Variants in CSMD3 observed in about 807,000 individuals in gnomAD.
The protein encoded by CSMD3 is CUB and sushi domain-containing protein 3.
Under a neutral mutation model 435.2 loss-of-function variants are expected in CSMD3, and 177 were observed. That is an observed-to-expected ratio of 0.41 (90% CI 0.36 to 0.46). The LOEUF (loss-of-function observed/expected upper bound fraction) is 0.46. Ranked by LOEUF, CSMD3 falls within the 20% of genes least tolerant of loss-of-function variation. The probability of loss-of-function intolerance (pLI) is 0.34; values close to 1 mark genes in which losing one functional copy is unlikely to be tolerated. For synonymous variants in CSMD3, 1,656 were observed against 1,520.5 expected (o/e 1.09, Z -2.07); for missense variants, 4,265 against 4,504.6 (o/e 0.95, Z 1.52).
chr8:112,661,786 G>A (rs2075386494), intron 17 of CSMD3, among the ~76,000 whole-genome samples: 2 of 151,996 alleles, frequency 1.3e-5, no homozygotes, highest in African/African-American at 4.8e-5. Context: ...GGGAAGGGGT[G>A]AGGTCTTCAT....
chr8:112,606,476 G>A (rs961679031), intron 22 of CSMD3, among the ~76,000 whole-genome samples: 1 of 152,154 alleles, frequency 6.6e-6, no homozygotes, highest in Non-Finnish European at 1.5e-5. Flanking sequence ...TTTGCCTCCA[G>A]AACCCCAGAT....
At chr8:112,258,135 A>G (rs535740728) in intron 61 of CSMD3, among the ~76,000 whole-genome samples, 5 of 152,326 alleles carry the variant, frequency 3.3e-5, no homozygotes, top group Non-Finnish European at 7.3e-5. Context: ...TTAACTTGAG[A>G]TACATTAAAG....
chr8:113,157,417 G>A (rs1007854364), intron 4 of CSMD3, among the ~76,000 whole-genome samples: 6 of 133,264 alleles, frequency 4.5e-5, no homozygotes, highest in Non-Finnish European at 1.1e-4. Context: ...GTCAAGTAGA[G>A]CAAAATCTCA....
intron 69 of CSMD3, among the ~76,000 whole-genome samples, chr8:112,230,967 C>T (rs1362530982): frequency 1.3e-5 from 2 of 152,130 alleles, no homozygotes; most frequent in Non-Finnish European, 2.9e-5. Context: ...TGTGTATAAA[C>T]ACATTCTTGC....
At chr8:112,476,444 G>A (rs1440731209) in intron 31 of CSMD3, among the ~76,000 whole-genome samples, 1 of 152,082 alleles carries the variant, frequency 6.6e-6, no homozygotes, top group Admixed American at 6.5e-5. Flanking sequence ...TGAAGGACTT[G>A]AGACTTTAGT....
intron 1 of CSMD3, among the ~76,000 whole-genome samples, chr8:113,370,609 T>C (rs1157789162): frequency 2.0e-5 from 3 of 151,988 alleles, no homozygotes; most frequent in African/African-American, 7.2e-5. Flanking sequence ...CTCTAGGTTA[T>C]TGGTTCATTA....
chr8:112,259,506 G>A (rs1816179144), intron 61 of CSMD3, among the ~76,000 whole-genome samples: 1 of 152,046 alleles, frequency 6.6e-6, no homozygotes. Flanking sequence ...AGGTTGATGA[G>A]TGCAGCAAAC....
intron 5 of CSMD3, among the ~76,000 whole-genome samples, chr8:113,078,105 A>T (rs2089419159): frequency 6.6e-6 from 1 of 152,182 alleles, no homozygotes; most frequent in South Asian, 2.1e-4. Flanking sequence ...ATTATATTCA[A>T]TGCTGGCATA....
chr8:112,737,683 G>C (rs1166120792), intron 13 of CSMD3, among the ~76,000 whole-genome samples: 1 of 151,772 alleles, frequency 6.6e-6, no homozygotes, highest in South Asian at 2.1e-4. Context: ...AAAGAACAGT[G>C]GTTGTGATGA....
At chr8:112,898,945 A>T (rs936444492) in intron 10 of CSMD3, among the ~76,000 whole-genome samples, 1 of 151,218 alleles carries the variant, frequency 6.6e-6, no homozygotes. Flanking sequence ...TAACCTGCAA[A>T]GTTTACATTA....
At chr8:113,051,773 C>T (rs1432168751) in intron 5 of CSMD3, among the ~76,000 whole-genome samples, 1 of 152,188 alleles carries the variant, frequency 6.6e-6, no homozygotes, top group Non-Finnish European at 1.5e-5. Flanking sequence ...GAGGACATAA[C>T]AGGCGCTCAG....
At chr8:112,740,320 TA>T (rs2077275915) in intron 13 of CSMD3, among the ~76,000 whole-genome samples, 1 of 151,822 alleles carries the variant, frequency 6.6e-6, no homozygotes, top group African/African-American at 2.4e-5. Flanking sequence ...GACCTAAAAA[TA>T]ATAAAAAATA....
intron 6 of CSMD3, among the ~76,000 whole-genome samples, chr8:113,014,404 A>C (rs1391817117): frequency 6.6e-6 from 1 of 152,040 alleles, no homozygotes; most frequent in African/African-American, 2.4e-5. Flanking sequence ...CATGCCTCAT[A>C]TGCCTACCGC....
At chr8:112,929,389 T>TAA (rs61498134) in intron 9 of CSMD3, among the ~76,000 whole-genome samples, 1 of 148,490 alleles carries the variant, frequency 6.7e-6, no homozygotes, top group East Asian at 2.0e-4. Context: ...AAAAAAAAAT[T>TAA]AAAAAAAAAA....
chr8:113,086,368 G>T (rs1412881924), intron 5 of CSMD3, among the ~76,000 whole-genome samples: 1 of 151,910 alleles, frequency 6.6e-6, no homozygotes, highest in Non-Finnish European at 1.5e-5. Flanking sequence ...TATAAACCAT[G>T]ACGTTTTGTA....
chr8:113,014,514 A>T (rs576452369), intron 6 of CSMD3, among the ~76,000 whole-genome samples: 1 of 152,218 alleles, frequency 6.6e-6, no homozygotes, highest in African/African-American at 2.4e-5. Context: ...AGAAAAAATT[A>T]AAAAGGGATG....
In CSMD3 at chr8:113,185,876, G is replaced by A. The variant is rs151145038; in HGVS notation, c.515-11960C>T. 6.2e-4 allele frequency among the ~76,000 whole-genome samples: 95 copies of A among 152,064 alleles called. No homozygotes were observed. In the Middle Eastern group the frequency reaches 0.01, roughly 16 times the overall value. On this transcript the variant is annotated intron_variant, in intron 3 of 70. Coordinates refer to ENST00000297405, the MANE Select transcript of CSMD3 (RefSeq NM_198123.2). ...TGTCTATTCCTACAAAGACCCATTC[G>A]TATCTTCCCAGGGATTCCAGCATCT...
intron 10 of CSMD3, among the ~76,000 whole-genome samples, chr8:112,880,696 A>G (rs1331525664): frequency 1.3e-5 from 2 of 151,990 alleles, no homozygotes; most frequent in African/African-American, 4.8e-5. Flanking sequence ...GGGGTCATAT[A>G]TGATAGGCTA....
chr8:112,807,054 C>G (rs1364541604), intron 12 of CSMD3, among the ~76,000 whole-genome samples: 3 of 152,196 alleles, frequency 2.0e-5, no homozygotes, highest in Admixed American at 6.5e-5. Context: ...GATATGCTGA[C>G]CCATGTACTC....
Sources: allele counts gnomAD v4.1 joint callset (sites outside exome capture counted in the v4.1 genomes callset), GRCh38; gene constraint gnomAD v4.1.1; transcripts MANE v1.5; gene names NCBI Gene and HGNC (gene_info 2026-07-23, HGNC 2026-07-21).